Variants in FASTKD1 observed in about 807,000 individuals in gnomAD.
FASTKD1 encodes the protein FAST kinase domains 1.
In FASTKD1, 94 loss-of-function variants were observed where a neutral mutation model predicts 90.9. That is an observed-to-expected ratio of 1.03 (90% confidence interval 0.88 to 1.23). FASTKD1 has a LOEUF of 1.23. FASTKD1 is among the 50% of genes most tolerant of loss of function. The pLI, the probability that FASTKD1 is intolerant of heterozygous loss-of-function variation, is 0.00. For missense variants in FASTKD1, 945 were observed against 993.5 expected (o/e 0.95, Z 0.66); for synonymous variants, 319 against 345.8 (o/e 0.92, Z 0.86).
Position 169,561,972 on chromosome 2 carries a change from A to C in FASTKD1, c.573-1187T>G, listed in dbSNP as rs866800835. 1.6e-5 allele frequency among the ~76,000 whole-genome samples: 2 copies of C among 124,202 alleles called. 1 individual carries two copies. The highest frequency in any genetic ancestry group is 3.3e-5 in the Non-Finnish European group (2 of 60,556). The allele number at this position is 124,202 out of a possible 152,430, so 81.5% of individuals were successfully genotyped here. A position where few individuals can be genotyped will look rare whatever the true frequency, so the allele number is the denominator to read the frequency against. On this transcript the variant is annotated intron_variant, in intron 4 of 14. Coordinates refer to ENST00000453153, the MANE Select transcript of FASTKD1 (RefSeq NM_024622.6). ...TTAATTATTAATTTATTGTAAATTA[A>C]TTATTCATTAATTTATTGTAAATTA...
At chr2:169,540,826 A>T (rs1268215283) in intron 9 of FASTKD1, among the ~76,000 whole-genome samples, 2 of 152,178 alleles carry the variant, frequency 1.3e-5, no homozygotes, top group Non-Finnish European at 2.9e-5. Flanking sequence ...GGAATCTCAG[A>T]TCTCCAAGCA....
Position 169,571,636 on chromosome 2 carries a change from A to G in FASTKD1, c.377+17T>C, listed in dbSNP as rs1574419349. ...ACTATATAATCATTCCATAAAATAT[A>G]AAAGTAAATTACTTACTGTTGTGTG... On this transcript the variant is annotated intron_variant, in intron 2 of 14. Transcript: ENST00000453153. The G allele has an allele frequency of 7.0e-7, 1 of 1,426,038 alleles. No individual in the cohort carries two copies. The highest frequency in any genetic ancestry group is 9.6e-7 in the Non-Finnish European group (1 of 1,045,744). 88.3% of individuals were successfully genotyped at this position (1,426,038 alleles called of 1,614,324 possible). A position where few individuals can be genotyped will look rare whatever the true frequency, so the allele number is the denominator to read the frequency against.
rs1482844022 is a variant in FASTKD1, at chr2:169,530,916, A to T, written c.2328-215T>A. ...TGTAAATATTTGTCTGCTTTCATCC[A>T]TTTTTTTGGTCCAATATATATTTAC... On this transcript the variant is annotated intron_variant, in intron 13 of 14. Transcript: ENST00000453153. The T allele has an allele frequency of 1.0e-5, 7 of 697,482 alleles. No individual in the cohort carries two copies. In the Middle Eastern group the frequency reaches 7.3e-4, roughly 73 times the overall value. The allele number at this position is 697,482 out of a possible 1,614,324, so 43.2% of individuals were successfully genotyped here. A position where few individuals can be genotyped will look rare whatever the true frequency, so the allele number is the denominator to read the frequency against.
At chr2:169,543,922 A>C (rs1233136811) in intron 9 of FASTKD1, among the ~76,000 whole-genome samples, 2 of 152,238 alleles carry the variant, frequency 1.3e-5, no homozygotes, top group African/African-American at 4.8e-5. Flanking sequence ...TACTGGGTGC[A>C]AAACAACTAC....
intron 7 of FASTKD1, among the ~76,000 whole-genome samples, chr2:169,553,440 T>C (rs548470677): frequency 1.3e-5 from 2 of 152,192 alleles, no homozygotes; most frequent in South Asian, 4.1e-4. Context: ...CTTACCATCT[T>C]AAGAAGAAAA....
Position 169,531,424 on chromosome 2 carries a change from C to A in FASTKD1, c.2255G>T (p.Gly752Val), listed in dbSNP as rs990861108. ...LPYGSHNIAL[G>V]QLPEMPWESN... ...TTCCCAGGGCATTTCTGGTAGTTGT[C>A]CCAATGCTATATTATGGCTTCCATA... Residue 752 changes from glycine (G) to valine (V), a missense_variant, in exon 13 of 15, where the codon GGA (glycine) becomes GTA (valine). Transcript: ENST00000453153. 9 of 1,612,704 alleles carry A rather than the reference C, an allele frequency of 5.6e-6. No homozygotes were observed. The East Asian group carries it at 2.0e-4, about 36-fold the overall frequency.
At chr2:169,539,271 C>CA (rs558999338) in intron 10 of FASTKD1, among the ~76,000 whole-genome samples, 255 of 133,532 alleles carry the variant, frequency 1.9e-3, no homozygotes, top group Middle Eastern at 3.8e-3. Flanking sequence ...GACTCCATCT[C>CA]AAAAAAAAAA....
At chr2:169,571,608 TA>T in intron 2 of FASTKD1, 44 bp downstream of exon 2, 1 of 1,177,202 alleles carries the variant, frequency 8.5e-7, no homozygotes, top group Non-Finnish European at 1.2e-6. Flanking sequence ...AATTAAAATG[TA>T]AACTATATAA....
At position 169,531,450 on chromosome 2, in the gene FASTKD1, C is replaced by G. The variant is rs146301958; in HGVS notation, c.2229G>C (p.Pro743=). Residue 743 remains proline, a synonymous_variant, in exon 13 of 15, where the codon CCG becomes CCC. Coordinates refer to ENST00000453153, the MANE Select transcript of FASTKD1 (RefSeq NM_024622.6). ...CILDKRKKPL[P]YGSHNIALGQ... The stretch of plus-strand genomic sequence containing the variant: ...CCAATGCTATATTATGGCTTCCATA[C>G]GGAAGAGGTTTTTTTCTTTTATCCA... 57 of 1,610,414 alleles carry G rather than the reference C, an allele frequency of 3.5e-5. No homozygotes were observed. Among genetic ancestry groups the G allele is most frequent in the South Asian group, 9.9e-5 (9 of 90,630 alleles).
intron 8 of FASTKD1, 49 bp from the exon 9 acceptor site, chr2:169,544,884 G>T: frequency 9.4e-7 from 1 of 1,061,238 alleles, no homozygotes; most frequent in East Asian, 2.6e-5. Context: ...AGGAAAATAA[G>T]ACAAAATTTT....
chr2:169,557,340 A>G, intron 5 of FASTKD1, 43 bp from the exon 6 acceptor site: 1 of 1,114,560 alleles, frequency 9.0e-7, no homozygotes, highest in Non-Finnish European at 1.3e-6. Context: ...AAGACTGAAA[A>G]TTAGCTTGCA....
intron 5 of FASTKD1, among the ~76,000 whole-genome samples, chr2:169,558,854 G>A (rs970631809): frequency 3.9e-5 from 6 of 152,038 alleles, no homozygotes; most frequent in Admixed American, 6.6e-5. Flanking sequence ...CTCCCAAAGT[G>A]CTGAGATTAC....
At chr2:169,542,300 G>C (rs556992117) in intron 9 of FASTKD1, among the ~76,000 whole-genome samples, 2 of 152,126 alleles carry the variant, frequency 1.3e-5, no homozygotes, top group Non-Finnish European at 2.9e-5. Context: ...TGACTGAAAA[G>C]GAACGGTTAC....
chr2:169,557,583 G>A (rs1207866639), intron 5 of FASTKD1, among the ~76,000 whole-genome samples: 1 of 152,088 alleles, frequency 6.6e-6, no homozygotes, highest in Non-Finnish European at 1.5e-5. Flanking sequence ...ATAATACAAG[G>A]TTATAATGGT....
chr2:169,561,778 T>TTTATTAATTTATTGTAAA (rs1559156572), intron 4 of FASTKD1, among the ~76,000 whole-genome samples: 2,513 of 134,222 alleles, frequency 0.019, 106 homozygotes, highest in Non-Finnish European at 0.03. Flanking sequence ...TTGTAAATTA[T>TTTATTAATTTATTGTAAA]TTATTAATTT....
chr2:169,563,418 T>C, intron 3 of FASTKD1, 68 bp from the exon 4 acceptor site: 1 of 1,141,566 alleles, frequency 8.8e-7, no homozygotes, highest in South Asian at 2.2e-5. Context: ...AATATATAGT[T>C]ATAAAATTAA....
intron 5 of FASTKD1, among the ~76,000 whole-genome samples, chr2:169,558,302 C>T (rs1683420505): frequency 1.3e-5 from 2 of 152,170 alleles, no homozygotes; most frequent in African/African-American, 4.8e-5. Context: ...ACTCTGTTGC[C>T]CAGGCTGGAG....
chr2:169,569,174 G>C lies in FASTKD1; in HGVS notation c.446+10C>G, dbSNP rs749861628. 6.2e-7 allele frequency: 1 copy of C among 1,612,644 alleles called. No homozygotes were observed. Among genetic ancestry groups the C allele is most frequent in the Non-Finnish European group, 8.5e-7 (1 of 1,178,714 alleles). On this transcript the variant is annotated intron_variant, in intron 3 of 14. Transcript: ENST00000453153. ...AACCCTGATCTTCAAGATGAACCCAGGGTACTTGCCTTTCTAGCCTTCTCC... is the reference window on the plus strand; with the variant it reads ...AACCCTGATCTTCAAGATGAACCCACGGTACTTGCCTTTCTAGCCTTCTCC...
At chr2:169,546,770 G>A in intron 7 of FASTKD1, 66 bp from the exon 8 acceptor site, 1 of 1,384,036 alleles carries the variant, frequency 7.2e-7, no homozygotes. Flanking sequence ...ATTAAAATAT[G>A]AATACATATG....
Sources: allele counts gnomAD v4.1 joint callset (sites outside exome capture counted in the v4.1 genomes callset), GRCh38; gene constraint gnomAD v4.1.1; transcripts MANE v1.5; gene names NCBI Gene and HGNC (gene_info 2026-07-23, HGNC 2026-07-21).